Variants in CD96 observed in about 807,000 individuals in gnomAD.
CD96 encodes the protein CD96 molecule.
CD96 carries 70 observed loss-of-function variants against 71.3 expected under a neutral mutation model. That is an observed-to-expected ratio of 0.98 (90% CI 0.81 to 1.20). The LOEUF is 1.20. CD96 is among the 50% of genes most tolerant of loss of function. CD96 has a pLI of 0.00. For missense variants in CD96, 742 were observed against 677.5 expected (o/e 1.10, Z -1.06); for synonymous variants, 248 against 233.0 (o/e 1.06, Z -0.59).
At chr3:111,580,710 C>G (rs1006745094) in intron 4 of CD96, among the ~76,000 whole-genome samples, 8 of 152,084 alleles carry the variant, frequency 5.3e-5, no homozygotes, top group African/African-American at 1.9e-4. Context: ...TTCTCTTCAT[C>G]TCTCCTCAGG....
At chr3:111,657,198 T>A (rs1460118212), downstream of CD96, among the ~76,000 whole-genome samples, 1 of 152,004 alleles carries the variant, frequency 6.6e-6, no homozygotes, top group Non-Finnish European at 1.5e-5. Context: ...GGTGGGCAGA[T>A]CACGAAGTCA....
chr3:111,549,149 TCTCCCCTCCCCTCTCTTCCC>T lies in CD96; in HGVS notation c.418+3763_418+3782del, dbSNP rs970088137. ...CCCCCTTATTTTCATTTCCCTCTCT[TCTCCCCTCCCCTCTCTTCCC>T]CTCCCCTCCCCTCTCCTTTCCTTTC... On this transcript the variant is annotated intron_variant, in intron 2 of 13. Coordinates refer to ENST00000352690, the MANE Select transcript of CD96 (RefSeq NM_005816.5). Among the ~76,000 whole-genome samples the T allele has an allele frequency of 3.9e-5, 6 of 152,010 alleles. No individual in the cohort carries two copies. The East Asian group carries it at 5.8e-4, about 15-fold the overall frequency.
intron 3 of CD96, among the ~76,000 whole-genome samples, chr3:111,569,796 G>A (rs900328631): frequency 2.6e-5 from 4 of 152,012 alleles, no homozygotes; most frequent in Non-Finnish European, 5.9e-5. Flanking sequence ...TTTTTCCAAA[G>A]TATAAATTCA....
chr3:111,551,336 A>G (rs145141415), intron 2 of CD96, among the ~76,000 whole-genome samples: 97 of 152,296 alleles, frequency 6.4e-4, no homozygotes, highest in African/African-American at 2.3e-3. Context: ...AGTCATCTGC[A>G]TGGTCACTGA....
intron 10 of CD96, among the ~76,000 whole-genome samples, chr3:111,630,470 T>C (rs1939003653): frequency 6.6e-6 from 1 of 152,034 alleles, no homozygotes; most frequent in African/African-American, 2.4e-5. Flanking sequence ...AGAAACTGAA[T>C]CCCTGAATAG....
chr3:111,663,663 A>G (rs1340136055), intron 14 of CD96, among the ~76,000 whole-genome samples: 1 of 152,222 alleles, frequency 6.6e-6, no homozygotes, highest in African/African-American at 2.4e-5. Flanking sequence ...TCACAATGAG[A>G]TACCATCTCC....
intron 5 of CD96, among the ~76,000 whole-genome samples, chr3:111,586,746 C>A (rs1181150049): frequency 6.6e-6 from 1 of 152,138 alleles, no homozygotes; most frequent in African/African-American, 2.4e-5. Flanking sequence ...ATGATAACAG[C>A]ACAGGAAAGT....
chr3:111,584,133 T>G (rs192004985), intron 4 of CD96, among the ~76,000 whole-genome samples: 1 of 152,174 alleles, frequency 6.6e-6, no homozygotes, highest in Non-Finnish European at 1.5e-5. Context: ...AATCATCTCT[T>G]GTAAGTCCAA....
chr3:111,660,855 T>TA (rs1940337189), intron 14 of CD96, among the ~76,000 whole-genome samples: 2 of 152,146 alleles, frequency 1.3e-5, no homozygotes, highest in South Asian at 2.1e-4. Context: ...TTTCACCATA[T>TA]AAAAAAATTA....
At chr3:111,635,555 G>A (rs192888205) in intron 10 of CD96, among the ~76,000 whole-genome samples, 9 of 152,254 alleles carry the variant, frequency 5.9e-5, no homozygotes, top group East Asian at 1.9e-4. Context: ...TCCTGAAATC[G>A]TGTTATGTTA....
intron 8 of CD96, among the ~76,000 whole-genome samples, chr3:111,615,443 A>G (rs538805349): frequency 6.6e-6 from 1 of 152,310 alleles, no homozygotes; most frequent in East Asian, 1.9e-4. Context: ...CAAACAAAAT[A>G]CCTTCTATAG....
intron 2 of CD96, among the ~76,000 whole-genome samples, chr3:111,554,511 CT>C (rs1198914576): frequency 1.3e-5 from 2 of 151,920 alleles, no homozygotes; most frequent in Admixed American, 6.6e-5. Flanking sequence ...CTCTTATTTT[CT>C]TTTTTTGCAA....
chr3:111,583,307 A>T (rs903979624), intron 4 of CD96, among the ~76,000 whole-genome samples: 1 of 152,196 alleles, frequency 6.6e-6, no homozygotes, highest in Non-Finnish European at 1.5e-5. Context: ...CTGTGGCTTT[A>T]CAGGGTACAG....
chr3:111,596,029 G>A (rs1257636436), intron 5 of CD96, among the ~76,000 whole-genome samples: 2 of 151,956 alleles, frequency 1.3e-5, no homozygotes, highest in African/African-American at 4.8e-5. Context: ...AGGTGTGGTG[G>A]TGCACGCCTG....
intron 14 of CD96, among the ~76,000 whole-genome samples, chr3:111,663,589 A>G (rs915838488): frequency 3.9e-5 from 6 of 152,222 alleles, no homozygotes; most frequent in African/African-American, 1.4e-4. Flanking sequence ...GAAGAGATAC[A>G]AGTGGCCAAC....
downstream of CD96, among the ~76,000 whole-genome samples, chr3:111,656,155 A>T (rs995947825): frequency 1.3e-5 from 2 of 152,136 alleles, no homozygotes; most frequent in Admixed American, 6.5e-5. Context: ...ACTTACAAAT[A>T]TTGAGGATAA....
intron 8 of CD96, 171 bp downstream of exon 8, chr3:111,606,963 C>T (rs1432156063): frequency 2.2e-5 from 15 of 671,762 alleles, no homozygotes; most frequent in Non-Finnish European, 2.7e-6. Context: ...GTCACATTAA[C>T]TTGCCCATTT....
chr3:111,578,040 T>A (rs529130685), intron 3 of CD96, among the ~76,000 whole-genome samples: 1 of 152,276 alleles, frequency 6.6e-6, no homozygotes, highest in Admixed American at 6.5e-5. Flanking sequence ...CAGACTGAAT[T>A]AGAATCTCTA....
intron 5 of CD96, among the ~76,000 whole-genome samples, chr3:111,590,715 C>T (rs1222429009): frequency 6.6e-6 from 1 of 152,160 alleles, no homozygotes; most frequent in East Asian, 1.9e-4. Flanking sequence ...AATTTCAGGG[C>T]CCCTCCATGT....
Sources: gnomAD v4.1 joint callset for allele counts (sites outside exome capture counted in the v4.1 genomes callset) on GRCh38, gnomAD v4.1.1 for gene constraint, MANE v1.5 for transcripts, NCBI Gene and HGNC (gene_info 2026-07-23, HGNC 2026-07-21) for gene names.